Variants in GOLIM4 observed in about 807,000 individuals in gnomAD.
GOLIM4 encodes the protein 130 kDa golgi-localized phosphoprotein.
A neutral mutation model predicts 107.4 loss-of-function variants in GOLIM4; 71 were observed. That is an observed-to-expected ratio of 0.66 (90% CI 0.55 to 0.81). The LOEUF (loss-of-function observed/expected upper bound fraction) is 0.81. Among genes scored for constraint, GOLIM4 ranks in the 30% least tolerant of loss-of-function variants. The probability of loss-of-function intolerance (pLI) is 0.00; values close to 1 mark genes in which losing one functional copy is unlikely to be tolerated. For synonymous variants in GOLIM4, 327 were observed against 294.8 expected (o/e 1.11, Z -1.12); for missense variants, 830 against 826.1 (o/e 1.00, Z -0.06).
intron 1 of GOLIM4, among the ~76,000 whole-genome samples, chr3:168,069,161 T>A (rs184230905): frequency 6.6e-6 from 1 of 152,126 alleles, no homozygotes; most frequent in African/African-American, 2.4e-5. Context: ...ACACAAACTA[T>A]TTTTTTAAGT....
At chr3:168,011,285 CG>C (rs1195231593) in intron 14 of GOLIM4, among the ~76,000 whole-genome samples, 4 of 152,016 alleles carry the variant, frequency 2.6e-5, no homozygotes, top group African/African-American at 4.8e-5. Flanking sequence ...GGGTGACGGA[CG>C]GCACCTGGAA....
chr3:168,081,821 GA>G (rs369119689), intron 1 of GOLIM4, among the ~76,000 whole-genome samples: 109 of 152,248 alleles, frequency 7.2e-4, no homozygotes, highest in African/African-American at 2.5e-3. Context: ...ATTTTACTAA[GA>G]AATTACTAAT....
chr3:168,059,744 C>T (rs972663722), intron 1 of GOLIM4, among the ~76,000 whole-genome samples: 7 of 151,940 alleles, frequency 4.6e-5, no homozygotes, highest in African/African-American at 1.5e-4. Flanking sequence ...AGACTGGAGG[C>T]GTGGGGAGAA....
intron 1 of GOLIM4, among the ~76,000 whole-genome samples, chr3:168,087,108 C>G (rs1047156346): frequency 6.6e-6 from 1 of 152,280 alleles, no homozygotes; most frequent in South Asian, 2.1e-4. Flanking sequence ...TCTTACTACA[C>G]TCATGCAAAA....
chr3:168,078,244 C>T (rs1333383624), intron 1 of GOLIM4, among the ~76,000 whole-genome samples: 1 of 152,148 alleles, frequency 6.6e-6, no homozygotes, highest in East Asian at 1.9e-4. Flanking sequence ...TTAAATAGGA[C>T]ATATTTTTGT....
rs60571079 is a variant in GOLIM4 at position 168,030,138 on chromosome 3, T to C, written c.1177-102A>G. ...AAACTCAGGAGGCAGAGCTGGTTTA[T>C]TAACGACTATTTGTCAGGTGAACTG... On this transcript the variant is annotated intron_variant, in intron 9 of 15. Transcript: ENST00000470487. 7.7e-4 allele frequency: 867 copies of C among 1,125,674 alleles called. 7 individuals are homozygous for C. The African/African-American group carries it at 0.012, about 16-fold the overall frequency. The allele number at this position is 1,125,674 out of a possible 1,614,324, so 69.7% of individuals were successfully genotyped here. A position where few individuals can be genotyped will look rare whatever the true frequency, so the allele number is the denominator to read the frequency against.
At chr3:168,053,608 T>C (rs571702173) in intron 1 of GOLIM4, among the ~76,000 whole-genome samples, 5 of 152,362 alleles carry the variant, frequency 3.3e-5, no homozygotes, top group African/African-American at 1.2e-4. Context: ...TTGAAATTAA[T>C]ATACGTCTCA....
intron 14 of GOLIM4, among the ~76,000 whole-genome samples, chr3:168,022,727 G>C (rs1033450146): frequency 6.6e-6 from 1 of 152,232 alleles, no homozygotes; most frequent in African/African-American, 2.4e-5. Flanking sequence ...CTTCCACTAA[G>C]AGCACATGGA....
chr3:168,055,231 G>C (rs1468637747), intron 1 of GOLIM4, among the ~76,000 whole-genome samples: 1 of 152,280 alleles, frequency 6.6e-6, no homozygotes, highest in African/African-American at 2.4e-5. Flanking sequence ...GAAGAAGACA[G>C]AAAGATGTGG....
chr3:168,024,789 A>G (rs1717905947), intron 13 of GOLIM4, 139 bp downstream of exon 13: 2 of 873,112 alleles, frequency 2.3e-6, no homozygotes, highest in South Asian at 1.5e-5. Context: ...GTACAGGCAT[A>G]TCATGTCATA....
chr3:168,027,031 C>T (rs934126309), intron 12 of GOLIM4, among the ~76,000 whole-genome samples: 5 of 152,196 alleles, frequency 3.3e-5, no homozygotes, highest in Middle Eastern at 3.2e-3. Context: ...TACGCATACA[C>T]GCAGGAACAG....
chr3:168,077,018 T>C (rs1721112267), intron 1 of GOLIM4, among the ~76,000 whole-genome samples: 1 of 152,220 alleles, frequency 6.6e-6, no homozygotes, highest in Non-Finnish European at 1.5e-5. Context: ...TTATTCATTA[T>C]TAACTCATAC....
chr3:168,009,432 A>AAAAAAAAAAAAAAAC lies in GOLIM4; in HGVS notation c.*836_*837insGTTTTTTTTTTTTTT, dbSNP rs1716864560. 6.8e-6 allele frequency: 1 copy of AAAAAAAAAAAAAAAC among 147,022 alleles called. No individual in the cohort carries two copies. The highest frequency in any genetic ancestry group is 2.2e-4 in the South Asian group (1 of 4,544). 9.1% of individuals were successfully genotyped at this position (147,022 alleles called of 1,614,324 possible). A position where few individuals can be genotyped will look rare whatever the true frequency, so the allele number is the denominator to read the frequency against. On this transcript the variant is annotated 3_prime_UTR_variant, in exon 16 of 16. Coordinates refer to ENST00000470487, the MANE Select transcript of GOLIM4 (RefSeq NM_014498.5). ...GAATATCAATCAATGGCTTCAAACAAAAAAAAAAAAAAAAAATTGAGAATG... is the reference window on the plus strand; with the variant it reads ...GAATATCAATCAATGGCTTCAAACAAAAAAAAAAAAAAAACAAAAAAAAAAAAAAAATTGAGAATG...
At chr3:168,059,218 A>C (rs1384280179) in intron 1 of GOLIM4, among the ~76,000 whole-genome samples, 1 of 152,204 alleles carries the variant, frequency 6.6e-6, no homozygotes, top group Non-Finnish European at 1.5e-5. Context: ...TGCTAGCAAA[A>C]AGGAAACAAC....
intron 12 of GOLIM4, among the ~76,000 whole-genome samples, chr3:168,026,372 T>C (rs1347875137): frequency 6.6e-6 from 1 of 152,170 alleles, no homozygotes; most frequent in Non-Finnish European, 1.5e-5. Context: ...TTCATAAAAT[T>C]GACTAGCTCA....
chr3:168,013,908 A>G (rs1208886267), intron 14 of GOLIM4, among the ~76,000 whole-genome samples: 1 of 151,378 alleles, frequency 6.6e-6, no homozygotes, highest in South Asian at 2.1e-4. Flanking sequence ...AGGGAAATTT[A>G]TAGCACTGAA....
At chr3:168,024,236 T>C (rs1717870734) in intron 14 of GOLIM4, among the ~76,000 whole-genome samples, 1 of 152,176 alleles carries the variant, frequency 6.6e-6, no homozygotes, top group African/African-American at 2.4e-5. Flanking sequence ...TTACAAAAGA[T>C]TGCACAAATC....
Position 168,010,734 on chromosome 3 carries a change from C to T in GOLIM4, c.1941+9G>A, listed in dbSNP as rs370159118. 9.4e-5 allele frequency: 149 copies of T among 1,580,896 alleles called. No homozygotes were observed. The highest frequency in any genetic ancestry group is 5.1e-4 in the East Asian group (23 of 44,710). On this transcript the variant is annotated intron_variant, in intron 15 of 15. Transcript: ENST00000470487. ...AAGTGCTCAATAGAAATATGTATCC[C>T]GGTCATACATTTTCATCATTTTCAC...
intron 1 of GOLIM4, among the ~76,000 whole-genome samples, chr3:168,072,479 T>C (rs1232199505): frequency 6.6e-6 from 1 of 150,844 alleles, no homozygotes; most frequent in Non-Finnish European, 1.5e-5. Flanking sequence ...CAAAGCCAAC[T>C]ACAGTATATT....
Sources: allele counts gnomAD v4.1 joint callset (sites outside exome capture counted in the v4.1 genomes callset), GRCh38; gene constraint gnomAD v4.1.1; transcripts MANE v1.5; gene names NCBI Gene and HGNC (gene_info 2026-07-23, HGNC 2026-07-21).